GUCY1A2: variants seen among roughly 807,000 people sequenced by gnomAD.
GUCY1A2 encodes the protein guanylate cyclase 1 soluble subunit alpha 2.
GUCY1A2 carries 27 observed loss-of-function variants against 63.5 expected under a neutral mutation model. That is an observed-to-expected ratio of 0.43 (90% CI 0.31 to 0.59). The LOEUF (loss-of-function observed/expected upper bound fraction) is 0.59, where lower values mean the gene tolerates loss of function less well. Ranked by LOEUF, GUCY1A2 falls within the 20% of genes least tolerant of loss-of-function variation. The pLI, the probability that GUCY1A2 is intolerant of heterozygous loss-of-function variation, is 0.11. For synonymous variants in GUCY1A2, 364 were observed against 343.5 expected (o/e 1.06, Z -0.66); for missense variants, 768 against 913.3 (o/e 0.84, Z 2.05).
intron 6 of GUCY1A2, among the ~76,000 whole-genome samples, chr11:106,741,665 G>A (rs1206483363): frequency 1.3e-5 from 2 of 152,096 alleles, no homozygotes; most frequent in Non-Finnish European, 2.9e-5. Flanking sequence ...CAAACGTAAT[G>A]CTTTTAACAA....
At chr11:106,869,011 G>C (rs974726923) in intron 4 of GUCY1A2, among the ~76,000 whole-genome samples, 1 of 152,152 alleles carries the variant, frequency 6.6e-6, no homozygotes, top group Non-Finnish European at 1.5e-5. Flanking sequence ...TGGGGAAAAG[G>C]ATTCTCTATT....
At chr11:106,815,640 G>A (rs985551903) in intron 4 of GUCY1A2, among the ~76,000 whole-genome samples, 1 of 152,004 alleles carries the variant, frequency 6.6e-6, no homozygotes, top group Non-Finnish European at 1.5e-5. Flanking sequence ...TAAATACATA[G>A]ATTATCTTCT....
chr11:106,847,241 AATAT>A (rs975195456), intron 4 of GUCY1A2, among the ~76,000 whole-genome samples: 165 of 143,568 alleles, frequency 1.1e-3, no homozygotes, highest in African/African-American at 3.8e-3. Context: ...CAAAAAAAAA[AATAT>A]ATATATATAT....
At chr11:106,726,738 C>A (rs187582644) in intron 6 of GUCY1A2, among the ~76,000 whole-genome samples, 1 of 152,070 alleles carries the variant, frequency 6.6e-6, no homozygotes, top group Non-Finnish European at 1.5e-5. Flanking sequence ...GTGTCCCAAA[C>A]CTGGCTTAGT....
chr11:106,883,625 A>T (rs948297985), intron 4 of GUCY1A2, among the ~76,000 whole-genome samples: 1 of 152,152 alleles, frequency 6.6e-6, no homozygotes, highest in Admixed American at 6.6e-5. Context: ...GTCTAATTTA[A>T]ATCTAATAAT....
At chr11:107,001,028 T>C (rs1309350939) in intron 1 of GUCY1A2, among the ~76,000 whole-genome samples, 1 of 152,170 alleles carries the variant, frequency 6.6e-6, no homozygotes, top group Non-Finnish European at 1.5e-5. Flanking sequence ...TTCTAACTAG[T>C]ACAATGACAG....
intron 4 of GUCY1A2, among the ~76,000 whole-genome samples, chr11:106,882,369 C>G (rs1285016835): frequency 6.6e-6 from 1 of 151,988 alleles, no homozygotes; most frequent in Non-Finnish European, 1.5e-5. Flanking sequence ...TGATTGCTAA[C>G]TGTGCACCTT....
chr11:106,932,781 C>T (rs1332528458), intron 4 of GUCY1A2, among the ~76,000 whole-genome samples: 5 of 152,038 alleles, frequency 3.3e-5, no homozygotes, highest in Admixed American at 3.3e-4. Flanking sequence ...GACACATAAA[C>T]CAGTGGAACA....
At chr11:106,856,105 A>ATT (rs142419502) in intron 4 of GUCY1A2, among the ~76,000 whole-genome samples, 43,876 of 145,818 alleles carry the variant, frequency 0.3, 6,778 homozygotes, top group Non-Finnish European at 0.34. Context: ...TTTTTTTTGT[A>ATT]TTTTTTTTTT....
chr11:106,700,446 T>C (rs533600589), intron 7 of GUCY1A2, among the ~76,000 whole-genome samples: 4 of 152,272 alleles, frequency 2.6e-5, no homozygotes, highest in African/African-American at 9.6e-5. Context: ...AAGAAAGAGA[T>C]AGTAAAAAGA....
At chr11:106,859,070 T>C (rs1340273616) in intron 4 of GUCY1A2, among the ~76,000 whole-genome samples, 1 of 152,084 alleles carries the variant, frequency 6.6e-6, no homozygotes, top group Non-Finnish European at 1.5e-5. Flanking sequence ...TTTTAGGGAC[T>C]GTAGTTCATT....
intron 6 of GUCY1A2, chr11:106,746,750 T>G (rs893472783): frequency 3.4e-6 from 2 of 589,488 alleles, no homozygotes; most frequent in Non-Finnish European, 6.0e-6. Context: ...TTTTGTAGTT[T>G]ATGGCCAATG....
At chr11:106,771,507 GGAGGCT>G (rs1864254071) in intron 6 of GUCY1A2, among the ~76,000 whole-genome samples, 1 of 152,130 alleles carries the variant, frequency 6.6e-6, no homozygotes, top group Admixed American at 6.5e-5. Context: ...CAACATTTTG[GGAGGCT>G]GAGGCAGGAG....
At chr11:106,903,863 C>A (rs147514760) in intron 4 of GUCY1A2, among the ~76,000 whole-genome samples, 1,887 of 152,238 alleles carry the variant, frequency 0.012, 26 homozygotes, top group South Asian at 0.046. Context: ...TCATAATTCC[C>A]AGCTAATAAT....
rs1242564561 is a variant in GUCY1A2, at chr11:106,680,959, C to A, written c.*6590G>T. The A allele has an allele frequency of 4.9e-6, 1 of 203,394 alleles. No homozygotes were observed. The highest frequency in any genetic ancestry group is 7.6e-5 in the East Asian group (1 of 13,230). 12.6% of individuals were successfully genotyped at this position (203,394 alleles called of 1,614,324 possible). ...ACTGTTCAGTATAAACATAAATTTA[C>A]TAGTTGATTTTAGCTGTAATCCTTA... On this transcript the variant is annotated 3_prime_UTR_variant, in exon 8 of 8. Coordinates refer to ENST00000526355, the MANE Select transcript of GUCY1A2 (RefSeq NM_000855.3).
At chr11:106,739,671 T>A (rs1476582504) in intron 6 of GUCY1A2, among the ~76,000 whole-genome samples, 1 of 152,208 alleles carries the variant, frequency 6.6e-6, no homozygotes, top group Non-Finnish European at 1.5e-5. Context: ...TTATTATCTA[T>A]AAAACATGTC....
chr11:106,726,347 C>T lies in GUCY1A2; in HGVS notation c.1837-17681G>A, dbSNP rs531808381. Among the ~76,000 whole-genome samples, 26 of 152,136 alleles carry T rather than the reference C, an allele frequency of 1.7e-4. 1 individual carries two copies. Among genetic ancestry groups the T allele is most frequent in the African/African-American group, 6.0e-4 (25 of 41,500 alleles). ...AGGAGAATCGCTTGAACCTGGGAGG[C>T]AGAGGGTGCAGTGAGCCGAGACCGG... is the stretch of plus-strand genomic sequence containing the variant. On this transcript the variant is annotated intron_variant, in intron 6 of 7. Coordinates refer to ENST00000526355, the MANE Select transcript of GUCY1A2 (RefSeq NM_000855.3).
intron 1 of GUCY1A2, among the ~76,000 whole-genome samples, chr11:106,994,015 C>G (rs1195764843): frequency 6.6e-6 from 1 of 152,158 alleles, no homozygotes; most frequent in African/African-American, 2.4e-5. Context: ...TCTATCCATA[C>G]TGGTTTAACA....
intron 6 of GUCY1A2, among the ~76,000 whole-genome samples, chr11:106,709,561 G>C (rs559006675): frequency 1.4e-5 from 1 of 72,116 alleles, no homozygotes; most frequent in Non-Finnish European, 2.5e-5. Flanking sequence ...ATATAAATAT[G>C]TTATATACGT....
Sources: allele counts gnomAD v4.1 joint callset (sites outside exome capture counted in the v4.1 genomes callset), GRCh38; gene constraint gnomAD v4.1.1; transcripts MANE v1.5; gene names NCBI Gene and HGNC (gene_info 2026-07-23, HGNC 2026-07-21).